Variants in LAMB4 observed in about 807,000 individuals in gnomAD.
LAMB4 encodes the protein laminin subunit beta-4.
A neutral mutation model predicts 199.2 loss-of-function variants in LAMB4; 196 were observed. The observed-to-expected ratio is 0.98, with a 90% CI of 0.88 to 1.11. The LOEUF (loss-of-function observed/expected upper bound fraction) is 1.11, where lower values mean the gene tolerates loss of function less well. Ranked by LOEUF, LAMB4 falls within the 50% of genes least tolerant of loss-of-function variation. The pLI, the probability that LAMB4 is intolerant of heterozygous loss-of-function variation, is 0.00. For synonymous variants in LAMB4, 744 were observed against 770.6 expected (o/e 0.97, Z 0.57); for missense variants, 2,080 against 2,171.2 (o/e 0.96, Z 0.83).
At chr7:108,082,455 G>A (rs2036989313) in intron 14 of LAMB4, among the ~76,000 whole-genome samples, 1 of 151,944 alleles carries the variant, frequency 6.6e-6, no homozygotes, top group Admixed American at 6.6e-5. Context: ...TAATCTTTCA[G>A]TATTAGTGGA....
At position 108,041,758 on chromosome 7, in the gene LAMB4, G is replaced by A. The variant is rs149323218; in HGVS notation, c.4471+1994C>T. On this transcript the variant is annotated intron_variant, in intron 29 of 33. Coordinates refer to ENST00000388781, the MANE Select transcript of LAMB4 (RefSeq NM_007356.3). The stretch of plus-strand genomic sequence containing the variant: ...GGGGCCTTTTGGAAGGTGGAGGGTG[G>A]GAGGAAGGAGAAGATCAGGAGAAAT... 7.7e-4 allele frequency among the ~76,000 whole-genome samples: 117 copies of A among 152,260 alleles called. 1 individual carries two copies. In the South Asian group the frequency reaches 0.017, roughly 23 times the overall value.
intron 29 of LAMB4, among the ~76,000 whole-genome samples, chr7:108,041,572 G>C (rs2035423709): frequency 6.6e-6 from 1 of 152,154 alleles, no homozygotes; most frequent in African/African-American, 2.4e-5. Flanking sequence ...ACATAAAAAA[G>C]AATGAGATCT....
rs560934307 is a variant in LAMB4, at chr7:108,105,710, G to T, written c.870+107C>A. The T allele has an allele frequency of 7.4e-6, 7 of 942,514 alleles. No homozygotes were observed. The South Asian group carries it at 1.0e-4, about 14-fold the overall frequency. The allele number at this position is 942,514 out of a possible 1,614,324, so 58.4% of individuals were successfully genotyped here. On this transcript the variant is annotated intron_variant, in intron 8 of 33. Coordinates refer to ENST00000388781, the MANE Select transcript of LAMB4 (RefSeq NM_007356.3). ...TGGTACCCATCTCAGCATAAAACTG[G>T]CACTTAGATTTGTTGATCTCCATGT...
At chr7:108,104,915 G>A (rs1393658865) in intron 8 of LAMB4, among the ~76,000 whole-genome samples, 1 of 152,018 alleles carries the variant, frequency 6.6e-6, no homozygotes, top group African/African-American at 2.4e-5. Flanking sequence ...GGACAGGATG[G>A]CTAAGGGGTT....
chr7:108,094,667 A>G (rs2037530295), intron 12 of LAMB4, among the ~76,000 whole-genome samples: 2 of 151,910 alleles, frequency 1.3e-5, no homozygotes, highest in South Asian at 4.2e-4. Context: ...CAATTGCATC[A>G]TGCATTTCTT....
chr7:108,038,894 G>C (rs549592713), intron 29 of LAMB4, among the ~76,000 whole-genome samples: 4 of 152,298 alleles, frequency 2.6e-5, no homozygotes, highest in Admixed American at 2.0e-4. Flanking sequence ...CTTGCCGTCA[G>C]GTGAGGACCT....
At chr7:108,040,380 T>C (rs944644076) in intron 29 of LAMB4, among the ~76,000 whole-genome samples, 1 of 152,100 alleles carries the variant, frequency 6.6e-6, no homozygotes, top group Non-Finnish European at 1.5e-5. Context: ...AAACTACCAA[T>C]GACATTCTTC....
intron 7 of LAMB4, 140 bp downstream of exon 7, chr7:108,106,369 G>A: frequency 1.6e-6 from 1 of 632,396 alleles, no homozygotes. Context: ...AGAGAGCTGA[G>A]ATCACACCAC....
Position 108,102,358 on chromosome 7 carries a change from C to T in LAMB4, c.1180+686G>A, listed in dbSNP as rs372017582. 9.9e-5 allele frequency among the ~76,000 whole-genome samples: 15 copies of T among 152,064 alleles called. No homozygotes were observed. The East Asian group carries it at 1.9e-3, about 20-fold the overall frequency. The stretch of plus-strand genomic sequence containing the variant: ...TATCTAAACTTTGAAAACATGTCAA[C>T]ATATATTGTTCATAGATAAAAACAC... On this transcript the variant is annotated intron_variant, in intron 10 of 33. Transcript: ENST00000388781.
intron 14 of LAMB4, among the ~76,000 whole-genome samples, chr7:108,089,821 C>T (rs143185688): frequency 6.6e-6 from 1 of 152,296 alleles, no homozygotes; most frequent in African/African-American, 2.4e-5. Context: ...TGCCACCATA[C>T]CCAACTATTT....
chr7:108,127,726 C>T (rs73197628), intron 1 of LAMB4, among the ~76,000 whole-genome samples: 4,802 of 152,220 alleles, frequency 0.032, 189 homozygotes, highest in East Asian at 0.19. Context: ...GTCTGATGAA[C>T]GCTCAAGTTT....
intron 24 of LAMB4, among the ~76,000 whole-genome samples, chr7:108,057,126 T>C (rs2036010476): frequency 6.6e-6 from 1 of 152,194 alleles, no homozygotes; most frequent in Admixed American, 6.5e-5. Context: ...CTTCATCACC[T>C]GGAGGCCATT....
At chr7:108,058,559 T>A (rs1285955344) in intron 23 of LAMB4, among the ~76,000 whole-genome samples, 3 of 152,386 alleles carry the variant, frequency 2.0e-5, no homozygotes, top group South Asian at 2.1e-4. Flanking sequence ...ACTATTGTTG[T>A]AGTCCTAAAT....
At chr7:108,090,313 T>C (rs1203681166) in intron 14 of LAMB4, among the ~76,000 whole-genome samples, 1 of 152,226 alleles carries the variant, frequency 6.6e-6, no homozygotes, top group East Asian at 1.9e-4. Context: ...ACGAAAATTA[T>C]TCACATTATT....
At position 108,092,425 on chromosome 7, in the gene LAMB4, A is replaced by G. The variant is rs1198939927; in HGVS notation, c.1471-9T>C. 6.2e-7 allele frequency: 1 copy of G among 1,609,550 alleles called. No individual in the cohort carries two copies. The highest frequency in any genetic ancestry group is 1.1e-5 in the South Asian group (1 of 90,976). ...AGGCCCCAGTATCCAACCTACAGAG[A>G]AAAAATGCTCAGCTGATTCCAGCTA... On this transcript the variant is annotated splice_polypyrimidine_tract_variant and intron_variant, in intron 12 of 33. Transcript: ENST00000388781.
intron 10 of LAMB4, among the ~76,000 whole-genome samples, chr7:108,101,576 C>T (rs2037815778): frequency 6.6e-6 from 1 of 152,154 alleles, no homozygotes; most frequent in African/African-American, 2.4e-5. Context: ...CAATAACAGG[C>T]TAACTTGTTC....
At chr7:108,088,883 T>C (rs1158894519) in intron 14 of LAMB4, among the ~76,000 whole-genome samples, 1 of 152,172 alleles carries the variant, frequency 6.6e-6, no homozygotes, top group African/African-American at 2.4e-5. Context: ...GACCCTATGG[T>C]CTAAAAGGAA....
chr7:108,019,555 CA>C (rs2034647080), downstream of LAMB4, among the ~76,000 whole-genome samples: 1 of 152,060 alleles, frequency 6.6e-6, no homozygotes, highest in African/African-American at 2.4e-5. Flanking sequence ...CCACAAACGA[CA>C]AACAACTTCC....
At chr7:108,096,733 AC>A (rs1466297350) in intron 11 of LAMB4, among the ~76,000 whole-genome samples, 1 of 149,094 alleles carries the variant, frequency 6.7e-6, no homozygotes, top group Non-Finnish European at 1.5e-5. Flanking sequence ...GGAGTTGAAG[AC>A]CAGCCTAGGA....
Sources: allele counts gnomAD v4.1 joint callset (sites outside exome capture counted in the v4.1 genomes callset), GRCh38; gene constraint gnomAD v4.1.1; transcripts MANE v1.5; gene names NCBI Gene and HGNC (gene_info 2026-07-23, HGNC 2026-07-21).